The following RAPGEF1 variants were observed in gnomAD, a reference collection of about 807,000 sequenced individuals.
RAPGEF1 encodes Rap guanine nucleotide exchange factor 1.
RAPGEF1 carries 33 observed loss-of-function variants against 143.3 expected under a neutral mutation model. That is an observed-to-expected ratio of 0.23 (90% CI 0.17 to 0.31). RAPGEF1 has a LOEUF of 0.31. Among genes scored for constraint, RAPGEF1 ranks in the 10% least tolerant of loss-of-function variants. The pLI is 1.00. For synonymous variants in RAPGEF1, 629 were observed against 676.5 expected (o/e 0.93, Z 1.09); for missense variants, 1,199 against 1,645.4 (o/e 0.73, Z 4.69).
chr9:131,696,127 G>A (rs1834154962), intron 1 of RAPGEF1, among the ~76,000 whole-genome samples: 1 of 152,192 alleles, frequency 6.6e-6, no homozygotes, highest in Non-Finnish European at 1.5e-5. Flanking sequence ...TCTCCCCCCA[G>A]AGCAGGGGAT....
intron 1 of RAPGEF1, among the ~76,000 whole-genome samples, chr9:131,737,174 C>T (rs977060442): frequency 1.3e-5 from 2 of 152,204 alleles, no homozygotes; most frequent in African/African-American, 4.8e-5. Context: ...AATCTGCAGG[C>T]GAGGTCCTGA....
At chr9:131,590,089 AT>A (rs1953946899) in intron 18 of RAPGEF1, 111 bp from the exon 19 acceptor site, 1 of 948,024 alleles carries the variant, frequency 1.1e-6, no homozygotes, top group Admixed American at 1.8e-5. Flanking sequence ...ATCTTCCTGC[AT>A]GTAAAGCACT....
Position 131,579,416 on chromosome 9 carries a change from C to T in RAPGEF1, c.*81G>A, listed in dbSNP as rs1280386483. On this transcript the variant is annotated 3_prime_UTR_variant, in exon 27 of 27. Coordinates refer to ENST00000683357, the MANE Select transcript of RAPGEF1 (RefSeq NM_001377935.1). ...CGAGGCCGGGACTCCTGCCATGCGC[C>T]TAACAGGTCCAAGGTCCTCTCCGGT... The T allele has an allele frequency of 2.6e-6, 4 of 1,531,938 alleles. No homozygotes were observed. 94.9% of individuals were successfully genotyped at this position (1,531,938 alleles called of 1,614,324 possible). A position where few individuals can be genotyped will look rare whatever the true frequency, so the allele number is the denominator to read the frequency against.
At chr9:131,712,068 A>C (rs1357078885) in intron 1 of RAPGEF1, among the ~76,000 whole-genome samples, 3 of 152,202 alleles carry the variant, frequency 2.0e-5, no homozygotes, top group African/African-American at 7.2e-5. Context: ...TGAGAGTCCA[A>C]ACTTGGCAAA....
rs200917154 is a variant in RAPGEF1, at chr9:131,626,040, C to G, written c.1584G>C (p.Leu528=). 1 of 1,613,170 alleles carries G rather than the reference C, an allele frequency of 6.2e-7. No homozygotes were observed. The change falls in exon 10 of 27, where the codon CTG becomes CTC. Residue 528 remains leucine, a synonymous_variant. Transcript: ENST00000683357. ...SVPYAPFAAI[L]PFQHGGSSAP... ...CTGAGGAACCTCCATGCTGAAAGGG[C>G]AGAATAGCAGCAAAGGGCGCGTAGG...
rs770403896 is a variant in RAPGEF1 at position 131,584,287 on chromosome 9, C to A, written c.3414+24G>T. 6.3e-6 allele frequency: 10 copies of A among 1,583,256 alleles called. No individual in the cohort carries two copies. In the East Asian group the frequency reaches 2.3e-4, roughly 36 times the overall value. On this transcript the variant is annotated intron_variant, in intron 24 of 26. Transcript: ENST00000683357. This position sits in a 1 kb window ranked among gnomAD's most constrained non-coding sequence, Gnocchi z 6.8. ...CGGCCCCCCTTACCAGCCACCCTCC[C>A]GCCCACGCCCCAAGGCCACTCACCT...
Position 131,698,755 on chromosome 9 carries a change from G to C in RAPGEF1, c.61+41015C>G, listed in dbSNP as rs763907164. ...GACCAGGTGAGCAACCCCACTACGG[G>C]AGGGACCCTGGGCTAGCCTGCTGGA... On this transcript the variant is annotated intron_variant, in intron 1 of 26. Transcript: ENST00000683357. Among the ~76,000 whole-genome samples the C allele has an allele frequency of 1.5e-3, 233 of 152,326 alleles. 2 individuals carry two copies. Among genetic ancestry groups the C allele is most frequent in the Middle Eastern group, 3.4e-3 (1 of 294 alleles).
chr9:131,622,407 G>GT (rs1021918559), intron 10 of RAPGEF1, among the ~76,000 whole-genome samples: 2 of 152,138 alleles, frequency 1.3e-5, no homozygotes. Flanking sequence ...GCTAAATTTT[G>GT]TATCTTCAAA....
At chr9:131,590,113 C>A in intron 18 of RAPGEF1, 135 bp from the exon 19 acceptor site, 1 of 763,886 alleles carries the variant, frequency 1.3e-6, no homozygotes. Flanking sequence ...CATCCAGAAA[C>A]GAGGGCACGG....
At chr9:131,692,267 T>C (rs1289962104) in intron 1 of RAPGEF1, among the ~76,000 whole-genome samples, 1 of 152,204 alleles carries the variant, frequency 6.6e-6, no homozygotes, top group Non-Finnish European at 1.5e-5. Context: ...TTAGTAGAAA[T>C]GAGGGTGACT....
rs1184601766 is a variant in RAPGEF1 at position 131,639,433 on chromosome 9, G to T, written c.495-642C>A. On this transcript the variant is annotated intron_variant, in intron 4 of 26. Transcript: ENST00000683357. ...GTGGGGATGTGAGGATGGGAACGCA[G>T]GTGAGTGTGTGTGTGTGTGTGTGTG... Among the ~76,000 whole-genome samples the T allele has an allele frequency of 4.7e-5, 3 of 63,414 alleles. No individual in the cohort carries two copies. In the Admixed American group the frequency reaches 5.0e-4, roughly 11 times the overall value. The allele number at this position is 63,414 out of a possible 152,430, so 41.6% of individuals were successfully genotyped here.
chr9:131,632,422 C>T (rs915257823), intron 5 of RAPGEF1, among the ~76,000 whole-genome samples: 37 of 151,894 alleles, frequency 2.4e-4, no homozygotes, highest in Non-Finnish European at 4.4e-4. Flanking sequence ...CCACCGCGCC[C>T]GGCCAAGACT....
At chr9:131,634,463 A>C (rs1265372216) in intron 5 of RAPGEF1, among the ~76,000 whole-genome samples, 2 of 152,148 alleles carry the variant, frequency 1.3e-5, no homozygotes, top group Non-Finnish European at 2.9e-5. Context: ...CTGTCATCCC[A>C]GCACTTTGGG....
In RAPGEF1 at chr9:131,579,332, C is replaced by T. The variant is rs1588131800; in HGVS notation, c.*165G>A. ...TCCCACAGAGGAAGGAGGCAGGAAGCGGCTGGCAGGCTCCAGCTCCCGCCC... is the reference window on the plus strand; with the variant it reads ...TCCCACAGAGGAAGGAGGCAGGAAGTGGCTGGCAGGCTCCAGCTCCCGCCC... On this transcript the variant is annotated 3_prime_UTR_variant, in exon 27 of 27. Coordinates refer to ENST00000683357, the MANE Select transcript of RAPGEF1 (RefSeq NM_001377935.1). 1.8e-5 allele frequency: 17 copies of T among 933,514 alleles called. No individual in the cohort carries two copies. The highest frequency in any genetic ancestry group is 1.0e-4 in the South Asian group (6 of 59,736). The allele number at this position is 933,514 out of a possible 1,614,324, so 57.8% of individuals were successfully genotyped here. A position where few individuals can be genotyped will look rare whatever the true frequency, so the allele number is the denominator to read the frequency against.
chr9:131,609,931 C>G (rs1242980286), intron 12 of RAPGEF1, among the ~76,000 whole-genome samples: 1 of 152,218 alleles, frequency 6.6e-6, no homozygotes, highest in Non-Finnish European at 1.5e-5. Flanking sequence ...GGGTCTCGCT[C>G]TGTCACCCAG....
chr9:131,737,312 G>A (rs372718039), intron 1 of RAPGEF1: 40 of 1,592,418 alleles, frequency 2.5e-5, no homozygotes, highest in Middle Eastern at 3.3e-4. Context: ...TCTCCACCAG[G>A]TATATATCTC....
At chr9:131,632,113 G>T (rs189519631) in intron 5 of RAPGEF1, among the ~76,000 whole-genome samples, 1 of 151,748 alleles carries the variant, frequency 6.6e-6, no homozygotes, top group South Asian at 2.1e-4. Flanking sequence ...GGTGAGAGAG[G>T]TGAGAGATTG....
chr9:131,634,182 G>C (rs1429986557), intron 5 of RAPGEF1, among the ~76,000 whole-genome samples: 2 of 152,154 alleles, frequency 1.3e-5, no homozygotes, highest in African/African-American at 4.8e-5. Flanking sequence ...GAATCCAGAA[G>C]GCGGAGGTTG....
chr9:131,632,285 C>T (rs1408011416), intron 5 of RAPGEF1, among the ~76,000 whole-genome samples: 3 of 147,412 alleles, frequency 2.0e-5, no homozygotes, highest in African/African-American at 7.7e-5. Flanking sequence ...CCTGCCACTG[C>T]ACCCGGCTAA....
Sources: gnomAD v4.1 joint callset for allele counts (sites outside exome capture counted in the v4.1 genomes callset) on GRCh38, gnomAD v4.1.1 for gene constraint, Gnocchi (gnomAD v3.1) non-coding constraint, MANE v1.5 for transcripts, NCBI Gene and HGNC (gene_info 2026-07-23, HGNC 2026-07-21) for gene names.